Variants in PHACTR4 observed in about 807,000 individuals in gnomAD.
PHACTR4 encodes phosphatase and actin regulator 4.
PHACTR4 carries 51 observed loss-of-function variants against 72.7 expected under a neutral mutation model. That is an observed-to-expected ratio of 0.70 (90% CI 0.56 to 0.89). PHACTR4 has a LOEUF of 0.89. Among genes scored for constraint, PHACTR4 ranks in the 40% least tolerant of loss-of-function variants. The pLI, the probability that PHACTR4 is intolerant of heterozygous loss-of-function variation, is 0.00. For missense variants in PHACTR4, 731 were observed against 861.8 expected, an observed-to-expected ratio of 0.85 and a Z score of 1.90; for synonymous variants, 255 against 302.5, an observed-to-expected ratio of 0.84 and a Z score of 1.63.
chr1:28,399,565 T>C (rs1251738485), intron 1 of PHACTR4, among the ~76,000 whole-genome samples: 1 of 152,168 alleles, frequency 6.6e-6, no homozygotes, highest in African/African-American at 2.4e-5. Context: ...TATGTAGTAC[T>C]GTTTGGTGCT....
chr1:28,461,105 C>T (rs1658771523), intron 4 of PHACTR4, among the ~76,000 whole-genome samples: 1 of 152,170 alleles, frequency 6.6e-6, no homozygotes, highest in African/African-American at 2.4e-5. Flanking sequence ...TCTCATTTCT[C>T]TTCATCTGAG....
chr1:28,442,851 A>C (rs1657141533), intron 2 of PHACTR4, among the ~76,000 whole-genome samples: 1 of 152,178 alleles, frequency 6.6e-6, no homozygotes. Flanking sequence ...CATGGGCTAC[A>C]TAATGGATAT....
intron 9 of PHACTR4, among the ~76,000 whole-genome samples, chr1:28,483,220 C>T (rs1388404015): frequency 6.6e-6 from 1 of 151,394 alleles, no homozygotes. Context: ...ATGACAAGAC[C>T]CTGTCTCGAC....
intron 2 of PHACTR4, chr1:28,433,098 T>A: frequency 1.0e-6 from 1 of 985,108 alleles, no homozygotes; most frequent in Non-Finnish European, 1.2e-6. Context: ...AAATTTTAAT[T>A]CTGCTACTTC....
intron 1 of PHACTR4, among the ~76,000 whole-genome samples, chr1:28,380,202 G>T (rs1168186294): frequency 1.3e-5 from 2 of 149,568 alleles, no homozygotes; most frequent in Non-Finnish European, 3.0e-5. Context: ...GACTACAGGC[G>T]TCCGCTACCA....
chr1:28,466,334 T>C, intron 5 of PHACTR4, 48 bp from the exon 6 acceptor site: 1 of 1,544,514 alleles, frequency 6.5e-7, no homozygotes, highest in African/African-American at 1.4e-5. Flanking sequence ...TTTCAGTTTC[T>C]CTTGTTACTC....
At chr1:28,456,203 G>A (rs1471272506) in intron 2 of PHACTR4, among the ~76,000 whole-genome samples, 1 of 152,068 alleles carries the variant, frequency 6.6e-6, no homozygotes, top group Non-Finnish European at 1.5e-5. Context: ...GAGGTCTCAG[G>A]AAACTTACAA....
At chr1:28,379,878 C>T (rs567993623) in intron 1 of PHACTR4, among the ~76,000 whole-genome samples, 84 of 151,618 alleles carry the variant, frequency 5.5e-4, no homozygotes, top group Non-Finnish European at 8.0e-4. Flanking sequence ...TGTGAGCCAC[C>T]GCGCCCAGCC....
Position 28,491,701 on chromosome 1 carries a change from T to G in PHACTR4, c.1930T>G (p.Phe644Val). The G allele has an allele frequency of 6.2e-7, 1 of 1,613,992 alleles. No individual in the cohort carries two copies. Among genetic ancestry groups the G allele is most frequent in the Non-Finnish European group, 8.5e-7 (1 of 1,180,000 alleles). The change falls in exon 12 of 14, where the codon TTT becomes GTT. Residue 644 changes from phenylalanine to valine, a missense_variant. Physicochemically the swap from Phe to Val is conservative, Grantham distance 50. Coordinates refer to ENST00000373839, the MANE Select transcript of PHACTR4 (RefSeq NM_001048183.3). ...AELLARKILR[F>V]NEYVEVTDAQ... Reference sequence around the variant, plus strand: ...ACTCCTTGCCAGGAAGATTCTGAGGTTTAATGAATATGTAGAGGTAACAGA... The same window carrying G: ...ACTCCTTGCCAGGAAGATTCTGAGGGTTAATGAATATGTAGAGGTAACAGA...
intron 1 of PHACTR4, among the ~76,000 whole-genome samples, chr1:28,385,656 G>T (rs1401146931): frequency 7.0e-5 from 9 of 128,362 alleles, no homozygotes; most frequent in African/African-American, 2.6e-4. Context: ...TCATTCTGTT[G>T]CCCAGGCTGG....
chr1:28,432,501 T>C (rs72661767), intron 2 of PHACTR4, among the ~76,000 whole-genome samples: 2,734 of 151,488 alleles, frequency 0.018, 36 homozygotes, highest in Middle Eastern at 0.11. Context: ...AAAAATTAGC[T>C]GGGTGGGTGG....
chr1:28,451,352 A>G (rs61785960), intron 2 of PHACTR4, among the ~76,000 whole-genome samples: 42,686 of 151,442 alleles, frequency 0.28, 6,172 homozygotes, highest in Middle Eastern at 0.35. Flanking sequence ...ACAGAAATTC[A>G]TACTAAGAAG....
chr1:28,381,589 C>T (rs1377302112), intron 1 of PHACTR4, among the ~76,000 whole-genome samples: 5 of 152,104 alleles, frequency 3.3e-5, no homozygotes, highest in South Asian at 4.2e-4. Flanking sequence ...TGAGCCACTG[C>T]GCCTGGCCTG....
chr1:28,404,138 C>T (rs1355545579), intron 1 of PHACTR4, among the ~76,000 whole-genome samples: 3 of 151,950 alleles, frequency 2.0e-5, no homozygotes, highest in African/African-American at 2.4e-5. Context: ...TTTGTAGAGA[C>T]GGGGTTTCAC....
At chr1:28,467,151 T>G (rs1386738835) in intron 6 of PHACTR4, 1 of 162,710 alleles carries the variant, frequency 6.1e-6, no homozygotes, top group Non-Finnish European at 1.3e-5. Context: ...AGGCGGAGGT[T>G]GCAGTGAGCC....
Position 28,433,445 on chromosome 1 carries a change from C to CT in PHACTR4, c.17-25632dup, listed in dbSNP as rs1335602574. ...CAACAGACTTAGCATTTCTTTCTTT[C>CT]TTTTTTTTCTTTTTTTCTTTTTTTT... On this transcript the variant is annotated intron_variant, in intron 2 of 13. Transcript: ENST00000373839. Among the ~76,000 whole-genome samples the CT allele has an allele frequency of 2.1e-5, 3 of 145,994 alleles. No homozygotes were observed. The South Asian group carries it at 6.5e-4, about 32-fold the overall frequency.
chr1:28,432,124 A>G (rs982747362), intron 2 of PHACTR4, among the ~76,000 whole-genome samples: 4 of 152,048 alleles, frequency 2.6e-5, no homozygotes, highest in Admixed American at 6.6e-5. Context: ...CAGGAGAATC[A>G]CTTGAACCCA....
chr1:28,459,255 G>A lies in PHACTR4; in HGVS notation c.187G>A (p.Glu63Lys). ...TAGTGATAAATTTAAAGAGACTTCA[G>A]AAGGTGAGATATTAAGGGTTAAATG... ...KSSDKFKETS[E>K]VLERKISMRK... Residue 63 changes from glutamate to lysine, a missense_variant, in exon 3 of 14, where the codon GAA becomes AAA. Physicochemically the swap from Glu to Lys is moderately conservative, Grantham distance 56. Coordinates refer to ENST00000373839, the MANE Select transcript of PHACTR4 (RefSeq NM_001048183.3). 6.2e-7 allele frequency: 1 copy of A among 1,612,082 alleles called. No homozygotes were observed.
intron 1 of PHACTR4, among the ~76,000 whole-genome samples, 183 bp downstream of exon 1, chr1:28,370,008 C>G (rs1192565241): frequency 2.0e-5 from 3 of 152,160 alleles, no homozygotes; most frequent in African/African-American, 7.2e-5. Flanking sequence ...CTCCTCGGCC[C>G]TCCCACAACG....
Sources: allele counts gnomAD v4.1 joint callset (sites outside exome capture counted in the v4.1 genomes callset), GRCh38; gene constraint gnomAD v4.1.1; transcripts MANE v1.5; gene names NCBI Gene and HGNC (gene_info 2026-07-23, HGNC 2026-07-21).